The following IP6K2 variants were observed in gnomAD, a reference collection of about 807,000 sequenced individuals.
The protein encoded by IP6K2 is ATP:1D-myo-inositol-hexakisphosphate phosphotransferase.
A neutral mutation model predicts 43.3 loss-of-function variants in IP6K2; 9 were observed. That is an observed-to-expected ratio of 0.21 (90% CI 0.13 to 0.36). The LOEUF (loss-of-function observed/expected upper bound fraction) is 0.36. Among genes scored for constraint, IP6K2 ranks in the 10% least tolerant of loss-of-function variants. The pLI is 1.00. For synonymous variants in IP6K2, 209 were observed against 202.4 expected (o/e 1.03, Z -0.28); for missense variants, 332 against 538.4 (o/e 0.62, Z 3.79).
At position 48,691,814 on chromosome 3, in the gene IP6K2, A is replaced by G. The variant is rs546870692; in HGVS notation, c.429-332T>C. Among the ~76,000 whole-genome samples, 923 of 151,898 alleles carry G rather than the reference A, an allele frequency of 6.1e-3. 10 individuals are homozygous for G. The highest frequency in any genetic ancestry group is 0.021 in the African/African-American group (882 of 41,454). ...CAAGAAAGACTCAAAAAATAAATAA[A>G]TAAATAAATAAATAAATAAATAAAA... On this transcript the variant is annotated intron_variant, in intron 3 of 5. Coordinates refer to ENST00000328631, the MANE Select transcript of IP6K2 (RefSeq NM_016291.4).
At chr3:48,704,380 T>C (rs1298127105) in intron 1 of IP6K2, among the ~76,000 whole-genome samples, 1 of 152,192 alleles carries the variant, frequency 6.6e-6, no homozygotes, top group African/African-American at 2.4e-5. Context: ...CAAAAATATT[T>C]TTTTCATTCA....
intron 1 of IP6K2, chr3:48,715,277 G>C (rs1345559259): frequency 5.9e-6 from 9 of 1,535,580 alleles, no homozygotes; most frequent in African/African-American, 5.5e-5. Flanking sequence ...CTTCCCCAGT[G>C]CATCCTCTTT....
At chr3:48,712,478 C>A (rs549983604) in intron 1 of IP6K2, among the ~76,000 whole-genome samples, 2 of 151,886 alleles carry the variant, frequency 1.3e-5, no homozygotes, top group Admixed American at 6.5e-5. Flanking sequence ...AATCTCCTGA[C>A]CTCATGATCC....
At chr3:48,697,149 T>G (rs2078450439) in intron 1 of IP6K2, among the ~76,000 whole-genome samples, 1 of 151,496 alleles carries the variant, frequency 6.6e-6, no homozygotes, top group African/African-American at 2.4e-5. Context: ...GCCTCCTGAG[T>G]AGCTGGGACT....
At chr3:48,715,902 A>G (rs2081139912) in intron 1 of IP6K2, among the ~76,000 whole-genome samples, 1 of 151,548 alleles carries the variant, frequency 6.6e-6, no homozygotes, top group Non-Finnish European at 1.5e-5. Context: ...AAAATTTTAA[A>G]TGACAGTTAA....
intron 2 of IP6K2, chr3:48,693,683 G>T (rs965346890): frequency 1.8e-6 from 2 of 1,082,778 alleles, no homozygotes; most frequent in Non-Finnish European, 2.2e-6. Flanking sequence ...AAATAAAGGG[G>T]CAAACAAAAC....
chr3:48,713,788 C>CA (rs397877320), intron 1 of IP6K2, among the ~76,000 whole-genome samples: 3,106 of 91,542 alleles, frequency 0.034, 40 homozygotes, highest in African/African-American at 0.062. Flanking sequence ...GACATTTTTT[C>CA]AAAAAAAAAA....
rs1366835726 is a variant in IP6K2, at chr3:48,703,633, C to T, written c.-130-8212G>A. On this transcript the variant is annotated intron_variant, in intron 1 of 5. Coordinates refer to ENST00000328631, the MANE Select transcript of IP6K2 (RefSeq NM_016291.4). Reference sequence around the variant, plus strand: ...TCAGGAGGCTGAGGCAGGAGAATGGCGTGAACCCGGGAAGCAGAGCTTGCA... The same window carrying T: ...TCAGGAGGCTGAGGCAGGAGAATGGTGTGAACCCGGGAAGCAGAGCTTGCA... Among the ~76,000 whole-genome samples the T allele has an allele frequency of 2.6e-5, 4 of 151,700 alleles. No individual in the cohort carries two copies. In the East Asian group the frequency reaches 5.8e-4, roughly 22 times the overall value.
chr3:48,713,008 G>A (rs754368926), intron 1 of IP6K2, among the ~76,000 whole-genome samples: 9 of 152,012 alleles, frequency 5.9e-5, no homozygotes, highest in African/African-American at 1.9e-4. Flanking sequence ...GTGAGACTCC[G>A]TCTCCAAAAA....
Position 48,688,312 on chromosome 3 carries a change from T to C in IP6K2, c.1242A>G (p.Ile414Met), listed in dbSNP as rs1327312519. 6.2e-7 allele frequency: 1 copy of C among 1,614,200 alleles called. No individual in the cohort carries two copies. Among genetic ancestry groups the C allele is most frequent in the Non-Finnish European group, 8.5e-7 (1 of 1,180,012 alleles). ...AGYIFGLQSL[I>M]DIVTEISEES... The stretch of plus-strand genomic sequence containing the variant: ...CCTCACTTATCTCTGTGACAATGTC[T>C]ATCAGGCTCTGGAGCCCGAAGATAT... The change falls in exon 6 of 6, where the codon ATA (isoleucine) becomes ATG (methionine). Residue 414 changes from isoleucine to methionine, a missense_variant. Transcript: ENST00000328631. This position sits in a 1 kb window ranked among gnomAD's most constrained non-coding sequence, Gnocchi z 5.1.
chr3:48,694,350 TC>T, intron 2 of IP6K2: 1 of 1,546,470 alleles, frequency 6.5e-7, no homozygotes, highest in Non-Finnish European at 8.7e-7. Flanking sequence ...GTACATTCTG[TC>T]CTTAAAGACA....
At chr3:48,690,787 CA>C (rs538609739) in intron 4 of IP6K2, among the ~76,000 whole-genome samples, 286 of 51,220 alleles carry the variant, frequency 5.6e-3, no homozygotes, top group Middle Eastern at 0.01. Context: ...GACTCTGTCT[CA>C]AAAAAAAAAA....
chr3:48,715,575 G>A (rs115546055), intron 1 of IP6K2: 2 of 1,048,820 alleles, frequency 1.9e-6, no homozygotes, highest in Non-Finnish European at 2.8e-6. Flanking sequence ...CTGATTTCTA[G>A]ATCTCCCAGG....
chr3:48,712,996 G>A (rs1319804724), intron 1 of IP6K2, among the ~76,000 whole-genome samples: 1 of 152,110 alleles, frequency 6.6e-6, no homozygotes, highest in South Asian at 2.1e-4. Flanking sequence ...CTGGGCAACA[G>A]AGTGAGACTC....
At position 48,702,713 on chromosome 3, in the gene IP6K2, G is replaced by T. The variant is rs570298657; in HGVS notation, c.-130-7292C>A. Among the ~76,000 whole-genome samples the T allele has an allele frequency of 2.0e-5, 3 of 152,178 alleles. No individual in the cohort carries two copies. The East Asian group carries it at 5.8e-4, about 29-fold the overall frequency. ...TATTTTCTCCTCAGCACTTATCACCGTCTGACATACTCTACGTTTCTTACT... is the reference window on the plus strand; with the variant it reads ...TATTTTCTCCTCAGCACTTATCACCTTCTGACATACTCTACGTTTCTTACT... On this transcript the variant is annotated intron_variant, in intron 1 of 5. Coordinates refer to ENST00000328631, the MANE Select transcript of IP6K2 (RefSeq NM_016291.4).
chr3:48,716,996 T>C lies in IP6K2; in HGVS notation c.-131+161A>G, dbSNP rs188683902. 0.014 allele frequency: 2,094 copies of C among 152,906 alleles called. 28 individuals carry two copies. The highest frequency in any genetic ancestry group is 0.018 in the Non-Finnish European group (1,258 of 68,134). The allele number at this position is 152,906 out of a possible 1,614,324, so 9.5% of individuals were successfully genotyped here. A position where few individuals can be genotyped will look rare whatever the true frequency, so the allele number is the denominator to read the frequency against. ...TCCCAAATGACCCAGGGAAATCGAA[T>C]CCACAGGGACCCCGGGAGATTTCCC... On this transcript the variant is annotated intron_variant, in intron 1 of 5. Transcript: ENST00000328631.
rs565446823 is a variant in IP6K2, at chr3:48,689,298, G to A, written c.780+240C>T. Among the ~76,000 whole-genome samples, 17 of 152,200 alleles carry A rather than the reference G, an allele frequency of 1.1e-4. No homozygotes were observed. The East Asian group carries it at 3.3e-3, about 29-fold the overall frequency. ...CTCCCAAGTAGCTGGTATTACAGCC[G>A]TGCACCACCACGCCCAGCCAATTTT... is the stretch of plus-strand genomic sequence containing the variant. On this transcript the variant is annotated intron_variant, in intron 5 of 5. Transcript: ENST00000328631.
Position 48,688,190 on chromosome 3 carries a change from G to A in IP6K2, c.*83C>T. Reference sequence around the variant, plus strand: ...CTCCAGGCTGCAGGAGCCACCACCTGGCCATACTGGCTTCCTCCCTGACGC... The same window carrying A: ...CTCCAGGCTGCAGGAGCCACCACCTAGCCATACTGGCTTCCTCCCTGACGC... On this transcript the variant is annotated 3_prime_UTR_variant, in exon 6 of 6. Transcript: ENST00000328631. This position sits in a 1 kb window ranked among gnomAD's most constrained non-coding sequence, Gnocchi z 5.1. 2 of 1,497,902 alleles carry A rather than the reference G, an allele frequency of 1.3e-6. No individual in the cohort carries two copies. Among genetic ancestry groups the A allele is most frequent in the Non-Finnish European group, 9.2e-7 (1 of 1,092,626 alleles). The allele number at this position is 1,497,902 out of a possible 1,614,324, so 92.8% of individuals were successfully genotyped here.
intron 1 of IP6K2, among the ~76,000 whole-genome samples, chr3:48,703,548 C>CAA (rs35725171): frequency 1.7e-4 from 12 of 69,862 alleles, no homozygotes; most frequent in African/African-American, 3.4e-4. Flanking sequence ...ACTAAAAATA[C>CAA]AAAAAAAAAA....
Sources: allele counts gnomAD v4.1 joint callset (sites outside exome capture counted in the v4.1 genomes callset), GRCh38; gene constraint gnomAD v4.1.1; non-coding constraint Gnocchi (gnomAD v3.1); transcripts MANE v1.5; gene names NCBI Gene and HGNC (gene_info 2026-07-23, HGNC 2026-07-21).